HCFC2: variants seen among roughly 807,000 people sequenced by gnomAD.
HCFC2 encodes host cell factor 2.
In HCFC2, 18 loss-of-function variants were observed where a neutral mutation model predicts 89.2. The ratio of observed to expected loss-of-function variants is 0.20; its 90% CI spans 0.14 to 0.30. The LOEUF (loss-of-function observed/expected upper bound fraction) is 0.30. Ranked by LOEUF, HCFC2 falls within the 10% of genes least tolerant of loss-of-function variation. The probability of loss-of-function intolerance (pLI) is 1.00; values close to 1 mark genes in which losing one functional copy is unlikely to be tolerated. For missense variants in HCFC2, 578 were observed against 956.1 expected, an observed-to-expected ratio of 0.60 and a Z score of 5.21; for synonymous variants, 308 against 335.7, an observed-to-expected ratio of 0.92 and a Z score of 0.90.
intron 13 of HCFC2, 130 bp downstream of exon 13, chr12:104,098,610 C>G: frequency 5.8e-6 from 5 of 867,434 alleles, no homozygotes; most frequent in Non-Finnish European, 7.1e-6. Flanking sequence ...TGATTCAGGT[C>G]ACTTGAATGA....
At chr12:104,067,410 G>A (rs930190607) in intron 2 of HCFC2, among the ~76,000 whole-genome samples, 1 of 152,178 alleles carries the variant, frequency 6.6e-6, no homozygotes, top group African/African-American at 2.4e-5. Context: ...TTATCCCTAG[G>A]GCGGTGATCA....
chr12:104,097,352 A>G (rs1403288443), intron 12 of HCFC2, among the ~76,000 whole-genome samples: 2 of 152,102 alleles, frequency 1.3e-5, no homozygotes, highest in African/African-American at 4.8e-5. Flanking sequence ...GATTACTAAA[A>G]TGAATTTTTT....
chr12:104,098,493 A>G lies in HCFC2; in HGVS notation c.1878+13A>G, dbSNP rs767502635. On this transcript the variant is annotated intron_variant, in intron 13 of 14. Transcript: ENST00000229330. ...AAGCATCTCAAAGGTAGCTATTGAT[A>G]TATTTTCTACATTGTAAATTATAAG... 3 of 1,591,992 alleles carry G rather than the reference A, an allele frequency of 1.9e-6. No individual in the cohort carries two copies. The highest frequency in any genetic ancestry group is 2.3e-5 in the South Asian group (2 of 86,780).
chr12:104,093,662 C>T, intron 10 of HCFC2, 99 bp downstream of exon 10: 1 of 1,102,950 alleles, frequency 9.1e-7, no homozygotes, highest in Middle Eastern at 2.8e-4. Flanking sequence ...GATCCATTTT[C>T]CTAATAGCAA....
At chr12:104,083,539 C>G (rs1379880247) in intron 7 of HCFC2, among the ~76,000 whole-genome samples, 1 of 152,148 alleles carries the variant, frequency 6.6e-6, no homozygotes, top group Admixed American at 6.5e-5. Flanking sequence ...AATTGAAAAA[C>G]TGGTGAAATC....
At chr12:104,096,476 A>G (rs1377864700) in intron 12 of HCFC2, 43 bp downstream of exon 12, 1 of 1,356,570 alleles carries the variant, frequency 7.4e-7, no homozygotes, top group South Asian at 1.3e-5. Flanking sequence ...ACACATGATT[A>G]TGTACTTTTA....
At chr12:104,102,227 T>G in intron 14 of HCFC2, 74 bp downstream of exon 14, 10 of 1,289,918 alleles carry the variant, frequency 7.8e-6, no homozygotes, top group Non-Finnish European at 1.1e-5. Context: ...AACTGTCAGT[T>G]TAGAAATTCT....
At chr12:104,080,889 C>A in intron 5 of HCFC2, 59 bp downstream of exon 5, 3 of 1,106,050 alleles carry the variant, frequency 2.7e-6, no homozygotes, top group Non-Finnish European at 4.0e-6. Flanking sequence ...TTAAGAAGCA[C>A]ACAAAGAAAG....
chr12:104,103,536 C>A lies in HCFC2; in HGVS notation c.*263C>A, dbSNP rs1222475856. The A allele has an allele frequency of 2.3e-5, 9 of 397,214 alleles. No homozygotes were observed. Among genetic ancestry groups the A allele is most frequent in the African/African-American group, 1.8e-4 (9 of 49,072 alleles). 24.6% of individuals were successfully genotyped at this position (397,214 alleles called of 1,614,324 possible). On this transcript the variant is annotated 3_prime_UTR_variant, in exon 15 of 15. Transcript: ENST00000229330. ...AAAAACAGTGAAATTAAGATAAAAG[C>A]TAGAAAGCTTTATTACCCCAATATC...
intron 13 of HCFC2, among the ~76,000 whole-genome samples, chr12:104,100,838 C>T (rs1056684786): frequency 2.0e-5 from 3 of 152,066 alleles, no homozygotes; most frequent in East Asian, 1.9e-4. Flanking sequence ...TATATAAAGA[C>T]GTGTCTGTGT....
At chr12:104,085,442 A>G (rs1883806689) in intron 7 of HCFC2, among the ~76,000 whole-genome samples, 1 of 152,210 alleles carries the variant, frequency 6.6e-6, no homozygotes, top group Non-Finnish European at 1.5e-5. Flanking sequence ...ATTGGATGAA[A>G]AAAATGTGTA....
chr12:104,082,446 C>A, intron 5 of HCFC2, 54 bp from the exon 6 acceptor site: 1 of 1,161,622 alleles, frequency 8.6e-7, no homozygotes, highest in Non-Finnish European at 1.3e-6. Context: ...CACTTCAAAT[C>A]CAAGAAGTAA....
At position 104,086,979 on chromosome 12, in the gene HCFC2, C is replaced by T; in HGVS notation, c.1196C>T (p.Ala399Val). 2 of 1,613,992 alleles carry T rather than the reference C, an allele frequency of 1.2e-6. No homozygotes were observed. Among genetic ancestry groups the T allele is most frequent in the East Asian group, 2.2e-5 (1 of 44,880 alleles). ...QLSTDLPYQA[A>V]SSDSSAAPNM... ...AGTACAGACTTGCCATACCAAGCTG[C>T]ATCATCAGATTCTTCAGCAGCACCA... The change falls in exon 8 of 15, where the codon GCA becomes GTA. Residue 399 changes from alanine to valine, a missense_variant. Physicochemically the swap from Ala to Val is moderately conservative, Grantham distance 64. Coordinates refer to ENST00000229330, the MANE Select transcript of HCFC2 (RefSeq NM_013320.3).
intron 3 of HCFC2, among the ~76,000 whole-genome samples, chr12:104,070,648 G>A (rs1883292247): frequency 6.6e-6 from 1 of 152,054 alleles, no homozygotes; most frequent in Non-Finnish European, 1.5e-5. Flanking sequence ...CAACCATTAT[G>A]ATGTCTTTTT....
At chr12:104,074,593 T>TTTAA (rs951485975) in intron 3 of HCFC2, among the ~76,000 whole-genome samples, 1 of 152,224 alleles carries the variant, frequency 6.6e-6, no homozygotes, top group African/African-American at 2.4e-5. Flanking sequence ...TGTGAATTAT[T>TTTAA]TTAATTAATT....
chr12:104,084,940 G>A (rs1883791050), intron 7 of HCFC2, among the ~76,000 whole-genome samples: 1 of 152,082 alleles, frequency 6.6e-6, no homozygotes, highest in African/African-American at 2.4e-5. Flanking sequence ...ACAGCATTGT[G>A]GAGAAAATCA....
rs34494975 is a variant in HCFC2, at chr12:104,081,600, G to GTT, written c.767+785_767+786dup. Among the ~76,000 whole-genome samples the GTT allele has an allele frequency of 5.6e-3, 777 of 138,506 alleles. 37 individuals carry two copies. In the South Asian group the frequency reaches 0.11, roughly 20 times the overall value. 90.9% of individuals were successfully genotyped at this position (138,506 alleles called of 152,430 possible). The stretch of plus-strand genomic sequence containing the variant: ...AATGACTGTTGTAATTTAGAACCTA[G>GTT]TTTTTTTTTTTTTTTTAAATAAACT... On this transcript the variant is annotated intron_variant, in intron 5 of 14. Coordinates refer to ENST00000229330, the MANE Select transcript of HCFC2 (RefSeq NM_013320.3).
intron 3 of HCFC2, among the ~76,000 whole-genome samples, chr12:104,078,186 A>G (rs183649909): frequency 6.0e-4 from 91 of 152,182 alleles, no homozygotes; most frequent in Non-Finnish European, 9.4e-4. Flanking sequence ...TTTTGTTAGT[A>G]GAGACAGAGT....
intron 9 of HCFC2, among the ~76,000 whole-genome samples, chr12:104,089,940 C>G: frequency 6.6e-6 from 1 of 152,104 alleles, no homozygotes; most frequent in Admixed American, 6.6e-5. Flanking sequence ...TGGAACCATT[C>G]CTCCTGGAGC....
Sources: gnomAD v4.1 joint callset for allele counts (sites outside exome capture counted in the v4.1 genomes callset) on GRCh38, gnomAD v4.1.1 for gene constraint, MANE v1.5 for transcripts, NCBI Gene and HGNC (gene_info 2026-07-23, HGNC 2026-07-21) for gene names.